Variants in ATP11C observed in about 807,000 individuals in gnomAD.
ATP11C encodes phospholipid-transporting ATPase IG.
In ATP11C, 36 loss-of-function variants were observed where a neutral mutation model predicts 97.4. The ratio of observed to expected loss-of-function variants is 0.37; its 90% CI spans 0.28 to 0.49. The LOEUF (loss-of-function observed/expected upper bound fraction) is 0.49. Ranked by LOEUF, ATP11C falls within the 20% of genes least tolerant of loss-of-function variation. The pLI is 0.98. For synonymous variants in ATP11C, 275 were observed against 290.9 expected, an observed-to-expected ratio of 0.95 and a Z score of 0.56; for missense variants, 730 against 824.6, an observed-to-expected ratio of 0.89 and a Z score of 1.40.
chrX:139,745,894 C>G, intron 24 of ATP11C, 37 bp from the exon 25 acceptor site: 1 of 1,178,374 alleles, frequency 8.5e-7, no homozygotes, highest in Non-Finnish European at 1.1e-6. Flanking sequence ...ATTAGTGAAA[C>G]TTTTCATTTA....
At chrX:139,732,586 CAAA>C (rs58514331) in intron 28 of ATP11C, 533 of 118,133 alleles carry the variant, frequency 4.5e-3, no homozygotes, top group South Asian at 6.7e-3. Context: ...ATGCAGAAAC[CAAA>C]AAAAAAAAAA....
chrX:139,920,097 C>G (rs916782139), intron 1 of ATP11C, among the ~76,000 whole-genome samples: 1 of 111,316 alleles, frequency 9.0e-6, no homozygotes, highest in African/African-American at 3.3e-5. Context: ...CGGTGGCTCA[C>G]GCCTATAATC....
intron 1 of ATP11C, among the ~76,000 whole-genome samples, chrX:139,875,214 T>C (rs1417452877): frequency 1.8e-5 from 2 of 111,123 alleles, no homozygotes; most frequent in Non-Finnish European, 3.8e-5. Context: ...GCCCTTCTTA[T>C]GCTCTTTAGC....
chrX:139,874,093 A>G (rs2084424963), intron 1 of ATP11C, among the ~76,000 whole-genome samples: 1 of 105,887 alleles, frequency 9.4e-6, no homozygotes, highest in Non-Finnish European at 1.9e-5. Flanking sequence ...CCCAGGCTGG[A>G]GTGCAATGGC....
rs2081780918 is a variant in ATP11C at position 139,750,146 on chromosome X, A to T, written c.2707T>A (p.Tyr903Asn). The T allele has an allele frequency of 8.5e-7, 1 of 1,177,557 alleles. No individual in the cohort carries two copies. Among genetic ancestry groups the T allele is most frequent in the Non-Finnish European group, 1.1e-6 (1 of 874,112 alleles). Residue 903 changes from tyrosine (Y) to asparagine (N), a missense_variant, in exon 24 of 30, where the codon TAT becomes AAT. Transcript: ENST00000682941. ...FFCGFSQQPL[Y>N]DAAYLTMYNI... ...TACATTGTAAGGTAAGCAGCATCATACAGTGGCTAAAATGAAAAACAACAG... is the reference window on the plus strand; with the variant it reads ...TACATTGTAAGGTAAGCAGCATCATTCAGTGGCTAAAATGAAAAACAACAG...
At chrX:139,763,247 G>A in intron 21 of ATP11C, 69 bp downstream of exon 21, 3 of 855,431 alleles carry the variant, frequency 3.5e-6, no homozygotes, top group Non-Finnish European at 5.1e-6. Flanking sequence ...ACTCTAGAAT[G>A]TAAGACCACA....
chrX:139,915,111 C>T (rs945114190), intron 1 of ATP11C, among the ~76,000 whole-genome samples: 1 of 111,083 alleles, frequency 9.0e-6, no homozygotes, highest in African/African-American at 3.3e-5. Context: ...AACACAAATG[C>T]CTACACCTAA....
At chrX:139,766,905 CA>C (rs1421900564) in intron 20 of ATP11C, among the ~76,000 whole-genome samples, 2 of 110,891 alleles carry the variant, frequency 1.8e-5, no homozygotes, top group Non-Finnish European at 3.8e-5. Flanking sequence ...TGTGTTAGGC[CA>C]GGGGAATTCA....
rs549951760 is a variant in ATP11C at position 139,869,278 on chromosome X, T to C, written c.28-42455A>G. On this transcript the variant is annotated intron_variant, in intron 1 of 29. Coordinates refer to ENST00000682941, the MANE Select transcript of ATP11C (RefSeq NM_001353812.2). ...CGTGGTATATTCGTATCTGATTGAA[T>C]TGGAACCTGTCTGGTTAATTTATTA... Among the ~76,000 whole-genome samples, 404 of 111,799 alleles carry C rather than the reference T, an allele frequency of 3.6e-3. 3 individuals carry two copies. The highest frequency in any genetic ancestry group is 0.012 in the African/African-American group (372 of 30,803).
intron 1 of ATP11C, among the ~76,000 whole-genome samples, chrX:139,894,412 C>T (rs1219945646): frequency 8.9e-6 from 1 of 111,980 alleles, no homozygotes; most frequent in Non-Finnish European, 1.9e-5. Flanking sequence ...ACCACATGTT[C>T]TCATTCATAT....
chrX:139,774,887 G>A lies in ATP11C; in HGVS notation c.2019C>T (p.Leu673=), dbSNP rs773915488. 2.1e-5 allele frequency: 25 copies of A among 1,209,874 alleles called. No homozygotes were observed. Among genetic ancestry groups the A allele is most frequent in the Middle Eastern group, 4.6e-4 (2 of 4,368 alleles). ...LHAAGLKVWV[L]TGDKMETAKS... ...TAGCTGTCTCCATCTTGTCCCCAGT[G>A]AGCACCCAGACTTTCAGGCCTGCTG... Residue 673 remains leucine, a synonymous_variant, in exon 19 of 30, where the codon CTC becomes CTT. Transcript: ENST00000682941.
At chrX:139,866,595 G>GT (rs2084292346) in intron 1 of ATP11C, among the ~76,000 whole-genome samples, 1 of 109,949 alleles carries the variant, frequency 9.1e-6, no homozygotes, top group African/African-American at 3.3e-5. Context: ...GCACACACCT[G>GT]TAGTCCCAGG....
At chrX:139,842,458 C>T (rs1306478923) in intron 1 of ATP11C, among the ~76,000 whole-genome samples, 1 of 112,706 alleles carries the variant, frequency 8.9e-6, no homozygotes, top group African/African-American at 3.2e-5. Context: ...AGCCCAATCA[C>T]TTCTCTCCTT....
intron 6 of ATP11C, among the ~76,000 whole-genome samples, chrX:139,802,691 CTT>C (rs1356437071): frequency 9.0e-6 from 1 of 111,097 alleles, no homozygotes; most frequent in Non-Finnish European, 1.9e-5. Flanking sequence ...AGAACTGAGA[CTT>C]ATTATTTTGC....
intron 2 of ATP11C, among the ~76,000 whole-genome samples, chrX:139,824,695 A>G (rs1293943166): frequency 3.6e-5 from 4 of 111,293 alleles, no homozygotes; most frequent in Non-Finnish European, 5.7e-5. Flanking sequence ...TCCCCCCCAC[A>G]AAAAAAGCAT....
intron 28 of ATP11C, among the ~76,000 whole-genome samples, chrX:139,734,446 C>T (rs948482124): frequency 9.0e-5 from 10 of 111,328 alleles, no homozygotes; most frequent in Admixed American, 8.6e-4. Context: ...CGAAGTTAAG[C>T]CTCCTTTTTG....
Position 139,743,583 on chromosome X carries a change from G to C in ATP11C, c.3006C>G (p.Val1002=). The C allele has an allele frequency of 8.5e-7, 1 of 1,174,120 alleles. No homozygotes were observed. Among genetic ancestry groups the C allele is most frequent in the Non-Finnish European group, 1.1e-6 (1 of 871,134 alleles). ...CCTTCAGGGTTACAGTGAATACTAA[G>C]ACTGTAAAAACAATGGTTCCAAAAG... The part of the protein sequence containing the change: ...NWTFGTIVFT[V]LVFTVTLKLA... The change falls in exon 26 of 30, where the codon GTC becomes GTG. Residue 1002 remains valine, a synonymous_variant. Transcript: ENST00000682941.
intron 1 of ATP11C, among the ~76,000 whole-genome samples, chrX:139,830,397 C>CT (rs2083620251): frequency 8.9e-6 from 1 of 111,853 alleles, no homozygotes; most frequent in South Asian, 3.7e-4. Flanking sequence ...AAACAATTTG[C>CT]TTTCCAAAGG....
rs2148051252 is a variant in ATP11C at position 139,883,689 on chromosome X, C to T, written c.27+48327G>A. Among the ~76,000 whole-genome samples the T allele has an allele frequency of 1.8e-5, 2 of 110,530 alleles. 1 individual carries two copies. The highest frequency in any genetic ancestry group is 7.7e-4 in the South Asian group (2 of 2,584). The stretch of plus-strand genomic sequence containing the variant: ...ATAAGACCTACCCTAAAATGATGTA[C>T]AAAGTAAGGTGAAAATTAAATAAGA... On this transcript the variant is annotated intron_variant, in intron 1 of 29. Transcript: ENST00000682941.
Sources: allele counts gnomAD v4.1 joint callset (sites outside exome capture counted in the v4.1 genomes callset), GRCh38; gene constraint gnomAD v4.1.1; transcripts MANE v1.5; gene names NCBI Gene and HGNC (gene_info 2026-07-23, HGNC 2026-07-21).